Variants in AGO2 observed in about 807,000 individuals in gnomAD.
The protein encoded by AGO2 is argonaute RISC catalytic component 2, also known as protein argonaute-2.
A neutral mutation model predicts 102.3 loss-of-function variants in AGO2; 5 were observed. The observed-to-expected ratio is 0.05, with a 90% CI of 0.03 to 0.10. The LOEUF is 0.10. Among genes scored for constraint, AGO2 ranks in the 10% least tolerant of loss-of-function variants. The probability of loss-of-function intolerance (pLI) is 1.00; values close to 1 mark genes in which losing one functional copy is unlikely to be tolerated. For synonymous variants in AGO2, 449 were observed against 473.1 expected, an observed-to-expected ratio of 0.95 and a Z score of 0.66; for missense variants, 541 against 1,183.7, an observed-to-expected ratio of 0.46 and a Z score of 7.97.
intron 16 of AGO2, among the ~76,000 whole-genome samples, chr8:140,538,475 G>C (rs1287719568): frequency 6.6e-6 from 1 of 152,216 alleles, no homozygotes; most frequent in Non-Finnish European, 1.5e-5. Context: ...CTTTTAACCT[G>C]GGTCTCCTGC....
At chr8:140,585,730 C>T (rs1398252068) in intron 1 of AGO2, among the ~76,000 whole-genome samples, 1 of 152,086 alleles carries the variant, frequency 6.6e-6, no homozygotes, top group African/African-American at 2.4e-5. Flanking sequence ...TTCAGTGGCT[C>T]CATATTAGTA....
At position 140,523,123 on chromosome 8, in the gene AGO2, C is replaced by T. The variant is rs1261265932; in HGVS notation, c.*8921G>A. ...GAAACTGCCAATTCACAAAACAGCA[C>T]TGCATGGTTTCTATATTGCAAGCAC... On this transcript the variant is annotated 3_prime_UTR_variant, in exon 19 of 19. Transcript: ENST00000220592. The T allele has an allele frequency of 6.6e-6, 1 of 152,184 alleles. No homozygotes were observed. The highest frequency in any genetic ancestry group is 1.5e-5 in the Non-Finnish European group (1 of 68,052). The allele number at this position is 152,184 out of a possible 1,614,324, so 9.4% of individuals were successfully genotyped here.
Position 140,585,260 on chromosome 8 carries a change from G to T in AGO2, c.74C>A (p.Pro25His), listed in dbSNP as rs899336296. The T allele has an allele frequency of 6.2e-7, 1 of 1,614,066 alleles. No homozygotes were observed. Among genetic ancestry groups the T allele is most frequent in the Non-Finnish European group, 8.5e-7 (1 of 1,180,028 alleles). ...GGTCCCAAAGTCGGGTCTAGGTGGA[G>T]GCTTGAAGGCATATCCTTGGATGGG... ...PPPIQGYAFK[P>H]PPRPDFGTSG... The change falls in exon 2 of 19, where the codon CCT (proline) becomes CAT (histidine). Residue 25 changes from proline to histidine, a missense_variant. Pro to His is a moderately conservative substitution (Grantham distance 77, BLOSUM62 -2). This residue lies in a region of AGO2 where 147 missense variants were observed against 204.1 expected (regional missense o/e 0.72). Coordinates refer to ENST00000220592, the MANE Select transcript of AGO2 (RefSeq NM_012154.5).
At chr8:140,611,390 C>T (rs1220694871) in intron 1 of AGO2, among the ~76,000 whole-genome samples, 2 of 151,590 alleles carry the variant, frequency 1.3e-5, no homozygotes, top group Non-Finnish European at 2.9e-5. Flanking sequence ...TACAGTGGCA[C>T]GATCTCAATT....
intron 3 of AGO2, among the ~76,000 whole-genome samples, chr8:140,570,335 C>T (rs1221753775): frequency 8.5e-5 from 13 of 152,202 alleles, no homozygotes; most frequent in Non-Finnish European, 1.9e-4. Flanking sequence ...GAGTGATTCT[C>T]ATGCTTCAGC....
intron 1 of AGO2, among the ~76,000 whole-genome samples, chr8:140,615,171 T>C (rs1312234174): frequency 6.6e-6 from 1 of 152,160 alleles, no homozygotes; most frequent in Non-Finnish European, 1.5e-5. Context: ...GGATCCCTTG[T>C]GCCCAGGAAG....
At chr8:140,533,517 A>C (rs963183331) in intron 17 of AGO2, among the ~76,000 whole-genome samples, 2 of 152,040 alleles carry the variant, frequency 1.3e-5, no homozygotes, top group Non-Finnish European at 2.9e-5. Flanking sequence ...AATAAAAGTT[A>C]CACATTAGGC....
intron 2 of AGO2, among the ~76,000 whole-genome samples, chr8:140,584,719 G>C (rs987915196): frequency 6.6e-6 from 1 of 152,124 alleles, no homozygotes. Flanking sequence ...TCGGGATTGA[G>C]GGTGTGTCAC....
intron 1 of AGO2, chr8:140,592,787 C>A: frequency 6.6e-6 from 1 of 152,470 alleles, no homozygotes. Flanking sequence ...TGCACCACAG[C>A]ACCCAGCCTG....
intron 10 of AGO2, among the ~76,000 whole-genome samples, chr8:140,552,379 C>G (rs997664153): frequency 1.3e-5 from 2 of 152,212 alleles, no homozygotes; most frequent in African/African-American, 4.8e-5. Flanking sequence ...TCAAGTGATT[C>G]TCAAGGGAAG....
chr8:140,560,654 G>A lies in AGO2; in HGVS notation c.519-144C>T, dbSNP rs984118061. The A allele has an allele frequency of 6.0e-6, 6 of 1,006,274 alleles. No homozygotes were observed. In the African/African-American group the frequency reaches 8.1e-5, roughly 14 times the overall value. The allele number at this position is 1,006,274 out of a possible 1,614,324, so 62.3% of individuals were successfully genotyped here. A position where few individuals can be genotyped will look rare whatever the true frequency, so the allele number is the denominator to read the frequency against. ...CTTTTAAATCCACGTTTACCACACG[G>A]CACTCCAGCCTGTGTGCATGGCCTG... is the stretch of plus-strand genomic sequence containing the variant. On this transcript the variant is annotated intron_variant, in intron 4 of 18. Transcript: ENST00000220592.
chr8:140,547,889 G>A (rs960430360), intron 12 of AGO2, among the ~76,000 whole-genome samples: 12 of 152,246 alleles, frequency 7.9e-5, no homozygotes, highest in Admixed American at 7.9e-4. Flanking sequence ...CCTCCCTCAG[G>A]AAGGGAAGTT....
intron 10 of AGO2, among the ~76,000 whole-genome samples, 188 bp from the exon 11 acceptor site, chr8:140,551,624 G>C (rs1036887866): frequency 6.6e-6 from 1 of 152,228 alleles, no homozygotes; most frequent in Non-Finnish European, 1.5e-5. Flanking sequence ...TAGATGGATG[G>C]GCTGGTGGAA....
chr8:140,589,797 A>G lies in AGO2; in HGVS notation c.23-4486T>C, dbSNP rs2073720077. Among the ~76,000 whole-genome samples the G allele has an allele frequency of 6.6e-6, 1 of 151,886 alleles. No homozygotes were observed. The highest frequency in any genetic ancestry group is 2.4e-5 in the African/African-American group (1 of 41,336). ...AGCAGCCACCGAGATCCGTGCCATC[A>G]GCACGAGCCGCAGAACAGGACGGAG... On this transcript the variant is annotated intron_variant, in intron 1 of 18. Transcript: ENST00000220592. This position sits in a 1 kb window ranked among gnomAD's most constrained non-coding sequence, Gnocchi z 4.2.
At chr8:140,543,763 C>T (rs2132885892) in intron 14 of AGO2, among the ~76,000 whole-genome samples, 1 of 152,336 alleles carries the variant, frequency 6.6e-6, no homozygotes, top group East Asian at 1.9e-4. Context: ...TTTGTTTCCT[C>T]ATTTTACACC....
rs749419398 is a variant in AGO2, at chr8:140,557,307, C to T, written c.879-71G>A. 2.4e-5 allele frequency: 37 copies of T among 1,514,196 alleles called. No individual in the cohort carries two copies. Among genetic ancestry groups the T allele is most frequent in the Non-Finnish European group, 3.0e-5 (34 of 1,130,460 alleles). The allele number at this position is 1,514,196 out of a possible 1,614,324, so 93.8% of individuals were successfully genotyped here. On this transcript the variant is annotated intron_variant, in intron 7 of 18. Transcript: ENST00000220592. The surrounding 1 kb of genome is among the most constrained non-coding windows in gnomAD (Gnocchi z 5.9). ...CTTCCCCTGCGCTGCTTTTCATTTG[C>T]GTTTGCTTTTTAGGGTGACGTGTGA...
rs951697560 is a variant in AGO2 at position 140,531,023 on chromosome 8, T to C, written c.*1021A>G. 1 of 152,322 alleles carries C rather than the reference T, an allele frequency of 6.6e-6. No individual in the cohort carries two copies. Among genetic ancestry groups the C allele is most frequent in the East Asian group, 1.9e-4 (1 of 5,174 alleles). 9.4% of individuals were successfully genotyped at this position (152,322 alleles called of 1,614,324 possible). ...GCGGGTTGCTGTCACATTAAGTCAA[T>C]TGCATATTCCTGTCCTTAAGCACTA... On this transcript the variant is annotated 3_prime_UTR_variant, in exon 19 of 19. Coordinates refer to ENST00000220592, the MANE Select transcript of AGO2 (RefSeq NM_012154.5).
chr8:140,595,753 T>C (rs1166013454), intron 1 of AGO2, among the ~76,000 whole-genome samples: 1 of 50,178 alleles, frequency 2.0e-5, no homozygotes, highest in East Asian at 6.4e-4. Context: ...TTATATATAA[T>C]TGTATATACA....
chr8:140,619,535 G>C (rs562191851), intron 1 of AGO2, among the ~76,000 whole-genome samples: 1 of 152,324 alleles, frequency 6.6e-6, no homozygotes, highest in Admixed American at 6.5e-5. Context: ...AGGAAGCCGC[G>C]GGAGGCCTGA....
Sources: allele counts gnomAD v4.1 joint callset (sites outside exome capture counted in the v4.1 genomes callset), GRCh38; gene constraint gnomAD v4.1.1; regional missense constraint gnomAD v4.1.1; non-coding constraint Gnocchi (gnomAD v3.1); transcripts MANE v1.5; gene names NCBI Gene and HGNC (gene_info 2026-07-23, HGNC 2026-07-21).